Variants in HSPB7 observed in about 807,000 individuals in gnomAD.
HSPB7 encodes heat shock protein beta-7.
A neutral mutation model predicts 11.0 loss-of-function variants in HSPB7; 9 were observed. The observed-to-expected ratio is 0.82, with a 90% CI of 0.49 to 1.43. The LOEUF is 1.43. HSPB7 is among the 40% of genes most tolerant of loss of function. HSPB7 has a pLI of 0.00. For missense variants in HSPB7, 246 were observed against 243.9 expected, an observed-to-expected ratio of 1.01 and a Z score of -0.06; for synonymous variants, 102 against 101.6, an observed-to-expected ratio of 1.00 and a Z score of -0.02.
upstream of HSPB7, chr1:16,018,588 C>T (rs2021938707): frequency 1.9e-6 from 2 of 1,044,852 alleles, no homozygotes; most frequent in Non-Finnish European, 2.3e-6. Flanking sequence ...GCAGCTGTCC[C>T]CTGCCAGCCC....
chr1:16,017,042 G>A, intron 2 of HSPB7, 32 bp downstream of exon 2: 1 of 1,591,830 alleles, frequency 6.3e-7, no homozygotes, highest in South Asian at 1.1e-5. Flanking sequence ...AGCAGAATTT[G>A]GGATGCGGTG....
rs1162165416 is a variant in HSPB7, at chr1:16,014,437, G to A, written c.*1143C>T. The A allele has an allele frequency of 2.6e-5, 4 of 152,210 alleles. No homozygotes were observed. The highest frequency in any genetic ancestry group is 6.5e-5 in the Admixed American group (1 of 15,284). The allele number at this position is 152,210 out of a possible 1,614,324, so 9.4% of individuals were successfully genotyped here. Reference sequence around the variant, plus strand: ...GGGAAATACTCCTCAGTGCCCAGAGGTGGGGAGTTGAGAGCAGCAGTTGAC... The same window carrying A: ...GGGAAATACTCCTCAGTGCCCAGAGATGGGGAGTTGAGAGCAGCAGTTGAC... On this transcript the variant is annotated 3_prime_UTR_variant, in exon 3 of 3. Transcript: ENST00000311890.
chr1:16,017,774 C>A lies in HSPB7; in HGVS notation c.190G>T (p.Ala64Ser). ...SFMRPHSEPLAFPARPGGAGN... is the reference protein window; with the variant it reads ...SFMRPHSEPLSFPARPGGAGN... ...GGCCCGGATCACTTGCCTGGGAAGG[C>A]CAGGGGCTCCGAGTGGGGCCGCATG... The change falls in exon 1 of 3, where the codon GCC (alanine) becomes TCC (serine). Residue 64 changes from alanine to serine, a missense_variant. By Grantham distance (99) the Ala-to-Ser change is moderately conservative. Transcript: ENST00000311890. 1 of 1,601,886 alleles carries A rather than the reference C, an allele frequency of 6.2e-7. No individual in the cohort carries two copies. Among genetic ancestry groups the A allele is most frequent in the Non-Finnish European group, 8.5e-7 (1 of 1,174,384 alleles).
At chr1:16,018,076 C>T (rs555020227), upstream of HSPB7, 80 of 1,583,042 alleles carry the variant, frequency 5.1e-5, no homozygotes, top group East Asian at 3.5e-4. Context: ...TTTATAAGGC[C>T]GACTGTCCCT....
In HSPB7 at chr1:16,017,985, G is replaced by T. The variant is rs745484738; in HGVS notation, c.-22C>A. ...TCATCCACGGACGGCGCCGGGCCCT[G>T]CCCAGGCGGGCGAGGGCTGGACAGG... On this transcript the variant is annotated 5_prime_UTR_variant, in exon 1 of 3. Coordinates refer to ENST00000311890, the MANE Select transcript of HSPB7 (RefSeq NM_014424.5). The T allele has an allele frequency of 5.6e-6, 9 of 1,612,534 alleles. No individual in the cohort carries two copies. The highest frequency in any genetic ancestry group is 3.3e-5 in the South Asian group (3 of 91,072).
rs2021534946 is a variant in HSPB7 at position 16,014,337 on chromosome 1, T to G, written c.*1243A>C. On this transcript the variant is annotated 3_prime_UTR_variant, in exon 3 of 3. Transcript: ENST00000311890. ...CTATCCCAGATGGGAGATGGGGGCTTTTCCTATGACTCCCCCCCATCCCCC... is the reference window on the plus strand; with the variant it reads ...CTATCCCAGATGGGAGATGGGGGCTGTTCCTATGACTCCCCCCCATCCCCC... The G allele has an allele frequency of 1.0e-5, 1 of 96,350 alleles. No homozygotes were observed. Among genetic ancestry groups the G allele is most frequent in the Non-Finnish European group, 2.1e-5 (1 of 47,480 alleles). The allele number at this position is 96,350 out of a possible 1,614,324, so 6.0% of individuals were successfully genotyped here.
upstream of HSPB7, chr1:16,019,065 AG>A: frequency 7.4e-7 from 1 of 1,346,584 alleles, no homozygotes; most frequent in Non-Finnish European, 1.0e-6. Flanking sequence ...CTATGGAGAC[AG>A]GCTGGCCCGG....
chr1:16,018,273 A>C, upstream of HSPB7: 1 of 1,370,266 alleles, frequency 7.3e-7, no homozygotes, highest in Non-Finnish European at 9.6e-7. Flanking sequence ...ACCACTGCAC[A>C]GGGCTGGATC....
upstream of HSPB7, chr1:16,019,139 C>T (rs754590896): frequency 2.0e-4 from 307 of 1,548,438 alleles, 4 homozygotes; most frequent in Non-Finnish European, 2.1e-5. Context: ...CTGACCTTGC[C>T]CTGGGCCAGG....
At chr1:16,016,691 C>G (rs1046458307) in intron 2 of HSPB7, among the ~76,000 whole-genome samples, 1 of 152,032 alleles carries the variant, frequency 6.6e-6, no homozygotes, top group Admixed American at 6.5e-5. Flanking sequence ...CCCACCTACC[C>G]GCATCCGCCC....
At chr1:16,017,256 A>G in intron 1 of HSPB7, 49 bp from the exon 2 acceptor site, 1 of 1,592,226 alleles carries the variant, frequency 6.3e-7, no homozygotes, top group Admixed American at 1.7e-5. Flanking sequence ...CCTTGCATGC[A>G]GATCCGGGGG....
chr1:16,017,415 AGGC>A, intron 1 of HSPB7: 1 of 632,546 alleles, frequency 1.6e-6, no homozygotes, highest in Non-Finnish European at 2.7e-6. Context: ...TGTGTATATG[AGGC>A]TAGGTCTGTA....
chr1:16,018,727 C>T (rs540956560), upstream of HSPB7: 36 of 1,046,056 alleles, frequency 3.4e-5, no homozygotes, highest in African/African-American at 4.9e-4. Context: ...ACTGTCTGCT[C>T]CATCTCTGTG....
At chr1:16,016,312 G>A (rs1033355960) in intron 2 of HSPB7, among the ~76,000 whole-genome samples, 7 of 152,186 alleles carry the variant, frequency 4.6e-5, no homozygotes, top group African/African-American at 7.2e-5. Context: ...GAATGTGGAG[G>A]GGAAGAAGCC....
Position 16,015,154 on chromosome 1 carries a change from C to G in HSPB7, c.*426G>C, listed in dbSNP as rs1048238. 7,801 of 160,166 alleles carry G rather than the reference C, an allele frequency of 0.049. 263 individuals are homozygous for G. Among genetic ancestry groups the G allele is most frequent in the Non-Finnish European group, 0.073 (5,334 of 72,700 alleles). The allele number at this position is 160,166 out of a possible 1,614,324, so 9.9% of individuals were successfully genotyped here. On this transcript the variant is annotated 3_prime_UTR_variant, in exon 3 of 3. Coordinates refer to ENST00000311890, the MANE Select transcript of HSPB7 (RefSeq NM_014424.5). The surrounding 1 kb of genome is among the most constrained non-coding windows in gnomAD (Gnocchi z 4.9). ...CCTTGCCTGTGACCTTCCCTCTGTC[C>G]CTCCCACTCCCCTTGGCCAAGAGGG...
intron 2 of HSPB7, among the ~76,000 whole-genome samples, chr1:16,016,099 T>C (rs1037725562): frequency 2.0e-5 from 3 of 152,248 alleles, no homozygotes; most frequent in Non-Finnish European, 2.9e-5. Flanking sequence ...CGTGCCTTCC[T>C]GGATCCCCGG....
intron 1 of HSPB7, 135 bp from the exon 2 acceptor site, chr1:16,017,342 C>T: frequency 8.8e-7 from 1 of 1,133,288 alleles, no homozygotes; most frequent in Non-Finnish European, 1.3e-6. Context: ...TCCCTAAGCT[C>T]CTCCTCATTC....
At position 16,017,112 on chromosome 1, in the gene HSPB7, T is replaced by C. The variant is rs142837502; in HGVS notation, c.295A>G (p.Thr99Ala). ...RDFSPEDIIVTTSNNHIEVRA... is the reference protein window; with the variant it reads ...RDFSPEDIIVATSNNHIEVRA... ...ACCTCGATGTGGTTGTTGGAGGTGG[T>C]GACAATGATGTCTTCAGGTGAGAAG... The change falls in exon 2 of 3, where the codon ACC becomes GCC. Residue 99 changes from threonine to alanine, a missense_variant. Coordinates refer to ENST00000311890, the MANE Select transcript of HSPB7 (RefSeq NM_014424.5). 6.2e-7 allele frequency: 1 copy of C among 1,612,572 alleles called. No homozygotes were observed. The highest frequency in any genetic ancestry group is 1.3e-5 in the African/African-American group (1 of 74,926).
chr1:16,016,337 TAGG>T (rs1361457996), intron 2 of HSPB7, among the ~76,000 whole-genome samples: 1 of 152,124 alleles, frequency 6.6e-6, no homozygotes, highest in African/African-American at 2.4e-5. Flanking sequence ...CTTGGGGGCT[TAGG>T]AGGAGGCTTG....
Sources: gnomAD v4.1 joint callset for allele counts (sites outside exome capture counted in the v4.1 genomes callset) on GRCh38, gnomAD v4.1.1 for gene constraint, Gnocchi (gnomAD v3.1) non-coding constraint, MANE v1.5 for transcripts, NCBI Gene and HGNC (gene_info 2026-07-23, HGNC 2026-07-21) for gene names.